LRP1B: variants seen among roughly 807,000 people sequenced by gnomAD.
LRP1B encodes LDL receptor related protein 1B, also known as low-density lipoprotein receptor-related protein 1B.
A neutral mutation model predicts 556.6 loss-of-function variants in LRP1B; 217 were observed. That is an observed-to-expected ratio of 0.39 (90% CI 0.35 to 0.44). The LOEUF (loss-of-function observed/expected upper bound fraction) is 0.44. LRP1B is among the 20% of genes least tolerant of loss of function. LRP1B has a pLI of 1.00. For missense variants in LRP1B, 5,053 were observed against 5,620.8 expected, an observed-to-expected ratio of 0.90 and a Z score of 3.23; for synonymous variants, 2,047 against 1,865.8, an observed-to-expected ratio of 1.10 and a Z score of -2.50.
intron 7 of LRP1B, among the ~76,000 whole-genome samples, chr2:141,088,765 C>T (rs77265756): frequency 5.3e-4 from 80 of 152,224 alleles, no homozygotes; most frequent in African/African-American, 1.9e-3. Context: ...GAGAAAACAG[C>T]ACTAGGGTGC....
intron 49 of LRP1B, among the ~76,000 whole-genome samples, chr2:140,517,824 C>T (rs750218822): frequency 1.2e-4 from 18 of 150,672 alleles, no homozygotes; most frequent in Non-Finnish European, 2.4e-4. Flanking sequence ...GATTCTCCTG[C>T]CTCAGACTCC....
chr2:140,506,092 C>A (rs72901718), intron 53 of LRP1B, among the ~76,000 whole-genome samples: 4 of 151,334 alleles, frequency 2.6e-5, no homozygotes, highest in Admixed American at 6.6e-5. Context: ...ATTAAGTATC[C>A]GGCTTTTCTG....
chr2:141,171,835 C>A (rs1292787138), intron 7 of LRP1B, among the ~76,000 whole-genome samples: 1 of 151,988 alleles, frequency 6.6e-6, no homozygotes, highest in Non-Finnish European at 1.5e-5. Flanking sequence ...GTGAAGATTG[C>A]GTGGATCAAT....
intron 7 of LRP1B, among the ~76,000 whole-genome samples, chr2:141,131,866 AAATAG>A (rs137993969): frequency 0.042 from 6,337 of 151,728 alleles, 228 homozygotes; most frequent in African/African-American, 0.098. Flanking sequence ...GATTTTTGGG[AAATAG>A]TTGTTATTTG....
chr2:140,543,665 T>C (rs1680218777), intron 43 of LRP1B, among the ~76,000 whole-genome samples: 1 of 151,894 alleles, frequency 6.6e-6, no homozygotes, highest in Admixed American at 6.6e-5. Flanking sequence ...TTCTAACTAG[T>C]ATAATAAGGC....
At chr2:140,315,493 GCC>G (rs1295862326) in intron 82 of LRP1B, among the ~76,000 whole-genome samples, 2 of 152,068 alleles carry the variant, frequency 1.3e-5, no homozygotes, top group African/African-American at 4.8e-5. Context: ...GCTCACTGCA[GCC>G]TCAACTTCCT....
intron 18 of LRP1B, among the ~76,000 whole-genome samples, chr2:140,978,732 T>G (rs1391627669): frequency 6.6e-6 from 1 of 152,216 alleles, no homozygotes; most frequent in Non-Finnish European, 1.5e-5. Flanking sequence ...GATGTAAATT[T>G]TGATTTTAAA....
At chr2:140,499,522 C>T (rs1689091792) in intron 55 of LRP1B, among the ~76,000 whole-genome samples, 1 of 151,772 alleles carries the variant, frequency 6.6e-6, no homozygotes, top group African/African-American at 2.4e-5. Flanking sequence ...GGTGATTTGT[C>T]ATTGTGTGAA....
intron 1 of LRP1B, among the ~76,000 whole-genome samples, chr2:141,900,456 C>T (rs1445090215): frequency 6.6e-6 from 1 of 151,884 alleles, no homozygotes; most frequent in African/African-American, 2.4e-5. Flanking sequence ...TATCTTTACC[C>T]CTTAAATACC....
chr2:141,650,423 G>C (rs533657824), intron 2 of LRP1B, among the ~76,000 whole-genome samples: 107 of 152,232 alleles, frequency 7.0e-4, no homozygotes, highest in African/African-American at 2.5e-3. Flanking sequence ...CAGTTGAGTT[G>C]AGGTATGTTA....
chr2:141,272,478 G>T (rs1365481537), intron 3 of LRP1B, among the ~76,000 whole-genome samples: 1 of 152,030 alleles, frequency 6.6e-6, no homozygotes, highest in Non-Finnish European at 1.5e-5. Context: ...TATCAATAAT[G>T]ACATTAAATG....
chr2:141,941,705 G>A (rs918365604), intron 1 of LRP1B, among the ~76,000 whole-genome samples: 1 of 152,176 alleles, frequency 6.6e-6, no homozygotes, highest in Non-Finnish European at 1.5e-5. Context: ...AAACCATGAA[G>A]AGTCCTGTAG....
At chr2:140,299,331 C>T (rs1032434506) in intron 83 of LRP1B, among the ~76,000 whole-genome samples, 15 of 152,036 alleles carry the variant, frequency 9.9e-5, no homozygotes, top group African/African-American at 3.4e-4. Flanking sequence ...TGAAAGGACT[C>T]TACATGCTCA....
At chr2:141,082,004 A>G (rs1242519240) in intron 7 of LRP1B, among the ~76,000 whole-genome samples, 1 of 152,240 alleles carries the variant, frequency 6.6e-6, no homozygotes, top group Non-Finnish European at 1.5e-5. Flanking sequence ...GAAATTCTAT[A>G]TTAAAATTAC....
intron 3 of LRP1B, among the ~76,000 whole-genome samples, chr2:141,281,050 CA>C (rs1432073802): frequency 6.6e-6 from 1 of 151,944 alleles, no homozygotes; most frequent in East Asian, 1.9e-4. Flanking sequence ...CAGGCCTTAT[CA>C]AATACTGTTT....
chr2:141,304,257 T>C (rs756862776), intron 3 of LRP1B, among the ~76,000 whole-genome samples: 39 of 152,096 alleles, frequency 2.6e-4, no homozygotes, highest in Non-Finnish European at 4.9e-4. Context: ...GCACAGAAGC[T>C]TTTTCATTTA....
chr2:141,406,560 A>ATCTATCTG (rs1690646767), intron 3 of LRP1B, among the ~76,000 whole-genome samples: 1 of 150,410 alleles, frequency 6.6e-6, no homozygotes, highest in Non-Finnish European at 1.5e-5. Flanking sequence ...CTATCTATCT[A>ATCTATCTG]TCTATCTATC....
At chr2:141,173,812 A>G (rs1680612937) in intron 7 of LRP1B, among the ~76,000 whole-genome samples, 1 of 152,062 alleles carries the variant, frequency 6.6e-6, no homozygotes, top group Non-Finnish European at 1.5e-5. Context: ...CTTGACTGCA[A>G]TTAAGTTTGC....
chr2:141,390,062 T>C (rs938409014), intron 3 of LRP1B, among the ~76,000 whole-genome samples: 12 of 152,014 alleles, frequency 7.9e-5, no homozygotes, highest in African/African-American at 2.9e-4. Context: ...CGCTTGAACC[T>C]GGGAGGTGGA....
Sources: allele counts gnomAD v4.1 joint callset (sites outside exome capture counted in the v4.1 genomes callset), GRCh38; gene constraint gnomAD v4.1.1; transcripts MANE v1.5; gene names NCBI Gene and HGNC (gene_info 2026-07-23, HGNC 2026-07-21).